The following IFRD1 variants were observed in gnomAD, a reference collection of about 807,000 sequenced individuals.
IFRD1 encodes the protein interferon related developmental regulator 1.
In IFRD1, 35 loss-of-function variants were observed where a neutral mutation model predicts 52.9. The ratio of observed to expected loss-of-function variants is 0.66; its 90% CI spans 0.51 to 0.88. IFRD1 has a LOEUF of 0.88. Ranked by LOEUF, IFRD1 falls within the 40% of genes least tolerant of loss-of-function variation. The probability of loss-of-function intolerance (pLI) is 0.00; values close to 1 mark genes in which losing one functional copy is unlikely to be tolerated. For missense variants in IFRD1, 517 were observed against 550.8 expected, an observed-to-expected ratio of 0.94 and a Z score of 0.61; for synonymous variants, 184 against 188.4, an observed-to-expected ratio of 0.98 and a Z score of 0.19.
In IFRD1 at chr7:112,476,174, A is replaced by T. The variant is rs1187724460; in HGVS notation, c.*655A>T. On this transcript the variant is annotated 3_prime_UTR_variant, in exon 12 of 12. Coordinates refer to ENST00000403825, the MANE Select transcript of IFRD1 (RefSeq NM_001550.4). ...TTGTGCATTTTACTTTGAAATAAAG[A>T]TTTTTTTCCACACTGAAAGTGCTTC... The T allele has an allele frequency of 1.3e-5, 2 of 152,198 alleles. No homozygotes were observed. The highest frequency in any genetic ancestry group is 2.9e-5 in the Non-Finnish European group (2 of 68,048). The allele number at this position is 152,198 out of a possible 1,614,324, so 9.4% of individuals were successfully genotyped here. A position where few individuals can be genotyped will look rare whatever the true frequency, so the allele number is the denominator to read the frequency against.
chr7:112,439,169 G>A (rs933781708), intron 1 of IFRD1, among the ~76,000 whole-genome samples: 1 of 152,236 alleles, frequency 6.6e-6, no homozygotes, highest in African/African-American at 2.4e-5. Context: ...TTAACAGGGT[G>A]TCCTTGGACA....
chr7:112,472,738 G>A (rs371819280), intron 10 of IFRD1, 28 bp from the exon 11 acceptor site: 6 of 1,349,182 alleles, frequency 4.4e-6, no homozygotes, highest in African/African-American at 2.9e-5. Context: ...TTAATACTGA[G>A]CCATACCACC....
chr7:112,429,604 A>G (rs1794503782), intron 1 of IFRD1, among the ~76,000 whole-genome samples: 1 of 152,184 alleles, frequency 6.6e-6, no homozygotes, highest in Non-Finnish European at 1.5e-5. Context: ...TGTATGAAAA[A>G]TCTAATTTTA....
chr7:112,470,098 A>G (rs1445353719), intron 9 of IFRD1, among the ~76,000 whole-genome samples: 1 of 152,042 alleles, frequency 6.6e-6, no homozygotes, highest in Non-Finnish European at 1.5e-5. Context: ...TATTTAAAAC[A>G]TTTCTTGAGG....
At chr7:112,448,432 G>T (rs141307762), upstream of IFRD1, among the ~76,000 whole-genome samples, 2 of 152,190 alleles carry the variant, frequency 1.3e-5, no homozygotes, top group African/African-American at 4.8e-5. Flanking sequence ...GTTGCCTTAT[G>T]TATAGTATAA....
intron 1 of IFRD1, among the ~76,000 whole-genome samples, chr7:112,424,100 G>A (rs1353836594): frequency 2.0e-5 from 3 of 152,226 alleles, no homozygotes; most frequent in South Asian, 2.1e-4. Context: ...GCTTTTAAAG[G>A]GGCACTTGGC....
intron 11 of IFRD1, among the ~76,000 whole-genome samples, chr7:112,474,370 A>G (rs1795839421): frequency 1.3e-5 from 2 of 152,206 alleles, no homozygotes; most frequent in Admixed American, 1.3e-4. Flanking sequence ...TCTCATCAGC[A>G]ATGTAGAAAG....
chr7:112,436,003 C>G (rs887211372), intron 1 of IFRD1, among the ~76,000 whole-genome samples: 15 of 151,858 alleles, frequency 9.9e-5, no homozygotes, highest in African/African-American at 3.4e-4. Context: ...TTGCCTCAGC[C>G]TCCCAAGTAG....
At chr7:112,460,241 GTT>G (rs35314166) in intron 5 of IFRD1, among the ~76,000 whole-genome samples, 90 of 92,966 alleles carry the variant, frequency 9.7e-4, no homozygotes, top group Middle Eastern at 9.3e-3. Context: ...CAGTCCTAGG[GTT>G]TTTTTTTTTT....
In IFRD1 at chr7:112,436,558, G is replaced by T. The variant is rs184649618; in HGVS notation, c.-182+13126G>T. On this transcript the variant is annotated intron_variant, in intron 1 of 12. Coordinates refer to the IFRD1 transcript ENST00000005558. ...TCTGTGCCAATCATGGGGCTCGGTG[G>T]TTGAGATACAAAGATGAATAAAGCA... Among the ~76,000 whole-genome samples the T allele has an allele frequency of 2.0e-3, 301 of 152,260 alleles. 1 individual carries two copies. The highest frequency in any genetic ancestry group is 6.9e-3 in the African/African-American group (286 of 41,536).
intron 8 of IFRD1, 156 bp from the exon 9 acceptor site, chr7:112,467,825 T>A: frequency 1.4e-6 from 1 of 711,262 alleles, no homozygotes; most frequent in South Asian, 1.6e-5. Context: ...CATGAAAACA[T>A]GTGTTTATGT....
intron 1 of IFRD1, among the ~76,000 whole-genome samples, chr7:112,431,560 A>G (rs942641402): frequency 2.6e-5 from 4 of 152,150 alleles, no homozygotes; most frequent in African/African-American, 9.7e-5. Flanking sequence ...CCTATTCCTT[A>G]TATCTATGCA....
At chr7:112,466,854 A>T (rs762113477) in intron 8 of IFRD1, among the ~76,000 whole-genome samples, 17 of 152,192 alleles carry the variant, frequency 1.1e-4, no homozygotes, top group Non-Finnish European at 2.5e-4. Context: ...CCATCTTGTT[A>T]TGATGCAATC....
intron 1 of IFRD1, among the ~76,000 whole-genome samples, chr7:112,426,966 A>T (rs1476740897): frequency 6.6e-6 from 1 of 152,216 alleles, no homozygotes; most frequent in Non-Finnish European, 1.5e-5. Context: ...ATATACGTTG[A>T]TTCATGTCTC....
chr7:112,429,831 T>C (rs568605094), intron 1 of IFRD1, among the ~76,000 whole-genome samples: 3 of 152,360 alleles, frequency 2.0e-5, no homozygotes, highest in African/African-American at 7.2e-5. Flanking sequence ...GGTTAAGTTT[T>C]CTATTGATAG....
At chr7:112,435,664 G>A (rs1467639600) in intron 1 of IFRD1, 1 of 151,564 alleles carries the variant, frequency 6.6e-6, no homozygotes, top group Non-Finnish European at 1.5e-5. Flanking sequence ...GTGCGTGCTT[G>A]TAAAAAATGC....
intron 9 of IFRD1, among the ~76,000 whole-genome samples, chr7:112,468,973 A>G (rs534410055): frequency 2.6e-5 from 4 of 152,246 alleles, no homozygotes; most frequent in African/African-American, 7.2e-5. Flanking sequence ...AAAATGAACT[A>G]TAGGACAAAA....
intron 1 of IFRD1, among the ~76,000 whole-genome samples, chr7:112,441,778 C>G (rs1243935852): frequency 6.6e-6 from 1 of 152,192 alleles, no homozygotes; most frequent in Admixed American, 6.5e-5. Flanking sequence ...AGACTAGGAA[C>G]TTTATGAGGC....
At chr7:112,450,826 C>A in intron 1 of IFRD1, 44 bp downstream of exon 1, 1 of 1,363,396 alleles carries the variant, frequency 7.3e-7, no homozygotes, top group Non-Finnish European at 1.0e-6. Context: ...GCCGGCCAGG[C>A]TGGCGAGTCT....
Sources: gnomAD v4.1 joint callset for allele counts (sites outside exome capture counted in the v4.1 genomes callset) on GRCh38, gnomAD v4.1.1 for gene constraint, MANE v1.5 for transcripts, NCBI Gene and HGNC (gene_info 2026-07-23, HGNC 2026-07-21) for gene names.